EPHA5: variants seen among roughly 807,000 people sequenced by gnomAD.
The protein encoded by EPHA5 is EPH receptor A5.
A neutral mutation model predicts 105.0 loss-of-function variants in EPHA5; 60 were observed. That is an observed-to-expected ratio of 0.57 (90% CI 0.46 to 0.71). The LOEUF is 0.71. Ranked by LOEUF, EPHA5 falls within the 30% of genes least tolerant of loss-of-function variation. The pLI is 0.00. For synonymous variants in EPHA5, 513 were observed against 449.1 expected (o/e 1.14, Z -1.80); for missense variants, 1,218 against 1,274.7 (o/e 0.96, Z 0.68).
chr4:65,454,514 C>T (rs1188099569), intron 5 of EPHA5, among the ~76,000 whole-genome samples: 1 of 152,076 alleles, frequency 6.6e-6, no homozygotes, highest in East Asian at 1.9e-4. Context: ...GGTAACTTTG[C>T]CACAGAGATT....
intron 3 of EPHA5, among the ~76,000 whole-genome samples, chr4:65,543,101 C>T (rs772108507): frequency 3.3e-5 from 5 of 151,946 alleles, no homozygotes; most frequent in Non-Finnish European, 7.4e-5. Flanking sequence ...TATTGCAAAC[C>T]TACAGCCAAT....
At chr4:65,392,200 G>A (rs1720782501) in intron 8 of EPHA5, among the ~76,000 whole-genome samples, 3 of 152,036 alleles carry the variant, frequency 2.0e-5, no homozygotes, top group African/African-American at 2.4e-5. Context: ...TTGATTCAGA[G>A]CCTTTGAAGA....
intron 3 of EPHA5, among the ~76,000 whole-genome samples, chr4:65,565,402 G>A (rs1739432841): frequency 2.0e-5 from 3 of 151,534 alleles, no homozygotes; most frequent in South Asian, 4.1e-4. Context: ...CCTTACATGC[G>A]AAAGGGACTC....
At chr4:65,548,592 G>A (rs1737607707) in intron 3 of EPHA5, among the ~76,000 whole-genome samples, 1 of 152,044 alleles carries the variant, frequency 6.6e-6, no homozygotes, top group Non-Finnish European at 1.5e-5. Flanking sequence ...ATCCAAAGCA[G>A]TAAAATATAA....
chr4:65,370,231 T>C (rs1718324529), intron 8 of EPHA5, among the ~76,000 whole-genome samples: 3 of 152,124 alleles, frequency 2.0e-5, no homozygotes, highest in African/African-American at 7.2e-5. Context: ...ACAAATACAT[T>C]AAACCATACT....
At chr4:65,575,996 GAGAGAGAAAGAAAGAAAGAA>G (rs1397970634) in intron 3 of EPHA5, among the ~76,000 whole-genome samples, 4 of 63,426 alleles carry the variant, frequency 6.3e-5, no homozygotes, top group Admixed American at 2.6e-4. Context: ...GAGAGAGAGA[GAGAGAGAAAGAAAGAAAGAA>G]AGAAAGAAAG....
intron 3 of EPHA5, among the ~76,000 whole-genome samples, chr4:65,501,651 A>G (rs772572956): frequency 6.6e-6 from 1 of 151,822 alleles, no homozygotes; most frequent in Non-Finnish European, 1.5e-5. Context: ...GATCAGAGGA[A>G]TCAACATCAT....
At chr4:65,519,503 A>G (rs1256775594) in intron 3 of EPHA5, among the ~76,000 whole-genome samples, 2 of 152,130 alleles carry the variant, frequency 1.3e-5, no homozygotes, top group Admixed American at 6.6e-5. Flanking sequence ...CTCCTCTTCA[A>G]CATAGTGTTG....
At chr4:65,528,145 A>G (rs1208031337) in intron 3 of EPHA5, among the ~76,000 whole-genome samples, 1 of 148,778 alleles carries the variant, frequency 6.7e-6, no homozygotes, top group Admixed American at 6.7e-5. Context: ...CATTTCTTAC[A>G]TAATGAGAGA....
chr4:65,559,808 C>T (rs552147490), intron 3 of EPHA5, among the ~76,000 whole-genome samples: 25 of 152,194 alleles, frequency 1.6e-4, no homozygotes, highest in African/African-American at 3.9e-4. Context: ...CATTTCTTTG[C>T]TGATTTTGTA....
chr4:65,458,180 A>T (rs572637744), intron 5 of EPHA5, among the ~76,000 whole-genome samples: 332 of 152,068 alleles, frequency 2.2e-3, no homozygotes, highest in Non-Finnish European at 3.5e-3. Flanking sequence ...TGCATTTCAA[A>T]TTATTCTTTG....
chr4:65,598,222 T>A (rs548021330), intron 3 of EPHA5, among the ~76,000 whole-genome samples: 1 of 152,226 alleles, frequency 6.6e-6, no homozygotes, highest in Middle Eastern at 3.4e-3. Flanking sequence ...TCTAATAGTA[T>A]GTGAAGTACC....
At chr4:65,583,555 G>A (rs1741844866) in intron 3 of EPHA5, among the ~76,000 whole-genome samples, 1 of 151,682 alleles carries the variant, frequency 6.6e-6, no homozygotes, top group Admixed American at 6.6e-5. Context: ...ACAACAATTT[G>A]TAGTTGATAA....
intron 1 of EPHA5, among the ~76,000 whole-genome samples, chr4:65,658,432 T>C (rs1749257520): frequency 6.6e-6 from 1 of 152,122 alleles, no homozygotes; most frequent in South Asian, 2.1e-4. Context: ...GCTATTGAGC[T>C]GAAGTCAAGT....
intron 5 of EPHA5, among the ~76,000 whole-genome samples, chr4:65,480,542 A>T (rs1730255151): frequency 6.6e-6 from 1 of 152,172 alleles, no homozygotes; most frequent in Non-Finnish European, 1.5e-5. Flanking sequence ...GAAGGAAAAA[A>T]ACATGAAGAT....
At chr4:65,343,163 T>A (rs1182427404) in intron 14 of EPHA5, among the ~76,000 whole-genome samples, 1 of 152,160 alleles carries the variant, frequency 6.6e-6, no homozygotes, top group Non-Finnish European at 1.5e-5. Flanking sequence ...AAATCTTTAG[T>A]TTTTATTTTA....
intron 11 of EPHA5, among the ~76,000 whole-genome samples, chr4:65,363,773 G>A (rs189513014): frequency 6.6e-6 from 1 of 151,114 alleles, no homozygotes; most frequent in Non-Finnish European, 1.5e-5. Context: ...GGTATCTATC[G>A]ACACTTGCTA....
At chr4:65,336,327 AAGAT>A (rs1438403451) in intron 14 of EPHA5, among the ~76,000 whole-genome samples, 8 of 152,128 alleles carry the variant, frequency 5.3e-5, no homozygotes, top group Admixed American at 4.6e-4. Context: ...ATAATATAAA[AAGAT>A]AGGCTTTCTT....
chr4:65,343,119 A>G (rs946888955), intron 14 of EPHA5, among the ~76,000 whole-genome samples: 11 of 152,298 alleles, frequency 7.2e-5, no homozygotes, highest in African/African-American at 2.6e-4. Context: ...TAAGAGAAAG[A>G]CCTTGTCACT....
Sources: allele counts gnomAD v4.1 joint callset (sites outside exome capture counted in the v4.1 genomes callset), GRCh38; gene constraint gnomAD v4.1.1; transcripts MANE v1.5; gene names NCBI Gene and HGNC (gene_info 2026-07-23, HGNC 2026-07-21).